TAFA1: variants seen among roughly 807,000 people sequenced by gnomAD.
TAFA1 encodes the protein TAFA chemokine like family member 1, also known as chemokine-like protein TAFA-1.
Under a neutral mutation model 18.5 loss-of-function variants are expected in TAFA1, and 4 were observed. That is an observed-to-expected ratio of 0.22 (90% CI 0.11 to 0.49). The LOEUF (loss-of-function observed/expected upper bound fraction) is 0.49, where lower values mean the gene tolerates loss of function less well. Among genes scored for constraint, TAFA1 ranks in the 20% least tolerant of loss-of-function variants. TAFA1 has a pLI of 0.98. For synonymous variants in TAFA1, 56 were observed against 55.2 expected (o/e 1.01, Z -0.06); for missense variants, 147 against 169.0 (o/e 0.87, Z 0.72).
intron 2 of TAFA1, among the ~76,000 whole-genome samples, chr3:68,100,612 T>C (rs1346720835): frequency 1.3e-5 from 2 of 152,220 alleles, no homozygotes; most frequent in Non-Finnish European, 2.9e-5. Flanking sequence ...AAGCATTCTT[T>C]TGTCATTTAT....
intron 2 of TAFA1, among the ~76,000 whole-genome samples, chr3:68,180,012 T>TTTTTTATTA (rs1553649124): frequency 3.9e-4 from 55 of 140,318 alleles, no homozygotes; most frequent in African/African-American, 9.8e-4. Context: ...AACACATAAT[T>TTTTTTATTA]TTATTATTAT....
chr3:68,039,541 C>T (rs1181166698), intron 2 of TAFA1, among the ~76,000 whole-genome samples: 1 of 151,974 alleles, frequency 6.6e-6, no homozygotes, highest in Non-Finnish European at 1.5e-5. Flanking sequence ...TCTTATTATT[C>T]TGCAAATTTC....
chr3:67,997,737 ACCT>A, the TAFA1 span, among the ~76,000 whole-genome samples: 110,917 of 151,298 alleles, frequency 0.73, 41,987 homozygotes, highest in South Asian at 0.87. Context: ...ATGTATGATT[ACCT>A]TTTTTTTGTA....
At chr3:68,249,801 T>C (rs1050127308) in intron 2 of TAFA1, among the ~76,000 whole-genome samples, 4 of 152,144 alleles carry the variant, frequency 2.6e-5, no homozygotes, top group African/African-American at 4.8e-5. Context: ...AGGCACACCA[T>C]TGACCCAATA....
intron 3 of TAFA1, among the ~76,000 whole-genome samples, chr3:68,486,370 C>T (rs2072340274): frequency 6.6e-6 from 1 of 152,118 alleles, no homozygotes; most frequent in African/African-American, 2.4e-5. Flanking sequence ...TCCCTGTGGT[C>T]TGAAACATGA....
chr3:68,329,992 C>T (rs2068837678), intron 2 of TAFA1, among the ~76,000 whole-genome samples: 1 of 151,498 alleles, frequency 6.6e-6, no homozygotes, highest in East Asian at 1.9e-4. Flanking sequence ...ACATTGGATA[C>T]ACACATAAAC....
intron 2 of TAFA1, among the ~76,000 whole-genome samples, chr3:68,173,027 C>A (rs184248101): frequency 6.6e-6 from 1 of 152,070 alleles, no homozygotes; most frequent in Admixed American, 6.5e-5. Flanking sequence ...TAGGGAAAAT[C>A]TGAGGATTTT....
intron 2 of TAFA1, among the ~76,000 whole-genome samples, chr3:68,096,532 T>G (rs1559518676): frequency 6.6e-6 from 1 of 152,136 alleles, no homozygotes; most frequent in African/African-American, 2.4e-5. Context: ...CATCTTATTT[T>G]GTTCTTTCAA....
chr3:68,480,692 C>T (rs2072217626), intron 3 of TAFA1, among the ~76,000 whole-genome samples: 1 of 152,118 alleles, frequency 6.6e-6, no homozygotes. Flanking sequence ...TTGTCAGTAG[C>T]TATTGTTTCA....
intron 2 of TAFA1, among the ~76,000 whole-genome samples, chr3:68,398,424 A>G (rs935758067): frequency 1.3e-5 from 2 of 152,194 alleles, no homozygotes; most frequent in African/African-American, 4.8e-5. Flanking sequence ...TTAACTCAAG[A>G]TAGATTAAAG....
intron 2 of TAFA1, among the ~76,000 whole-genome samples, chr3:68,308,746 A>T (rs550660876): frequency 6.6e-6 from 1 of 152,228 alleles, no homozygotes; most frequent in African/African-American, 2.4e-5. Context: ...AATGACACAG[A>T]GAAAGAGATG....
chr3:68,370,908 G>T (rs1482965223), intron 2 of TAFA1, among the ~76,000 whole-genome samples: 2 of 151,048 alleles, frequency 1.3e-5, no homozygotes, highest in Non-Finnish European at 2.9e-5. Flanking sequence ...GATATTTTGG[G>T]GTATAATCTT....
chr3:68,279,689 A>T (rs2067863426), intron 2 of TAFA1, among the ~76,000 whole-genome samples: 1 of 152,162 alleles, frequency 6.6e-6, no homozygotes, highest in African/African-American at 2.4e-5. Flanking sequence ...AATCTCATAA[A>T]AGCATAGAAA....
chr3:68,413,747 G>GC (rs2070761438), intron 2 of TAFA1, among the ~76,000 whole-genome samples: 1 of 152,074 alleles, frequency 6.6e-6, no homozygotes, highest in African/African-American at 2.4e-5. Flanking sequence ...GGTGTTGGGG[G>GC]CAGGGGGGTG....
the TAFA1 span, among the ~76,000 whole-genome samples, chr3:67,993,306 C>T: frequency 6.6e-6 from 1 of 152,200 alleles, no homozygotes; most frequent in Non-Finnish European, 1.5e-5. Flanking sequence ...ACGAAGGAGA[C>T]TCTTAAGTTT....
At chr3:68,461,532 G>C (rs891525527) in intron 3 of TAFA1, among the ~76,000 whole-genome samples, 3 of 151,434 alleles carry the variant, frequency 2.0e-5, no homozygotes, top group Non-Finnish European at 4.4e-5. Context: ...AAATTGAAGA[G>C]GGACTGAAGC....
intron 2 of TAFA1, among the ~76,000 whole-genome samples, chr3:68,099,541 C>A (rs368071672): frequency 1.4e-4 from 21 of 152,138 alleles, no homozygotes; most frequent in African/African-American, 5.1e-4. Flanking sequence ...CTTATACACT[C>A]TTGGTGGGAA....
At position 68,150,154 on chromosome 3, in the gene TAFA1, C is replaced by T. The variant is rs981729311; in HGVS notation, c.118+143410C>T. The stretch of plus-strand genomic sequence containing the variant: ...TAATTTGCTGCTGCAGTTTTGTAAA[C>T]ACATGCAGCTGCCTTTAATTTTGTT... On this transcript the variant is annotated intron_variant, in intron 2 of 4. Transcript: ENST00000478136. Among the ~76,000 whole-genome samples, 4 of 152,280 alleles carry T rather than the reference C, an allele frequency of 2.6e-5. No homozygotes were observed. In the South Asian group the frequency reaches 8.3e-4, roughly 32 times the overall value.
At chr3:68,437,148 A>G (rs1484657075) in intron 3 of TAFA1, among the ~76,000 whole-genome samples, 1 of 152,180 alleles carries the variant, frequency 6.6e-6, no homozygotes, top group Admixed American at 6.5e-5. Flanking sequence ...ATATGCCACC[A>G]ATGCATCGCA....
Sources: gnomAD v4.1 joint callset for allele counts (sites outside exome capture counted in the v4.1 genomes callset) on GRCh38, gnomAD v4.1.1 for gene constraint, MANE v1.5 for transcripts, NCBI Gene and HGNC (gene_info 2026-07-23, HGNC 2026-07-21) for gene names.